REV3L: variants seen among roughly 807,000 people sequenced by gnomAD.
The protein encoded by REV3L is REV3 like, DNA directed polymerase zeta catalytic subunit, also known as DNA polymerase zeta catalytic subunit.
A neutral mutation model predicts 299.4 loss-of-function variants in REV3L; 69 were observed. The ratio of observed to expected loss-of-function variants is 0.23; its 90% CI spans 0.19 to 0.28. REV3L has a LOEUF of 0.28. REV3L is among the 10% of genes least tolerant of loss of function. The pLI is 1.00. For synonymous variants in REV3L, 1,238 were observed against 1,271.4 expected (o/e 0.97, Z 0.56); for missense variants, 3,128 against 3,693.8 (o/e 0.85, Z 3.97).
intron 26 of REV3L, among the ~76,000 whole-genome samples, chr6:111,319,905 C>A (rs1043471748): frequency 6.6e-6 from 1 of 151,760 alleles, no homozygotes; most frequent in South Asian, 2.1e-4. Context: ...TTTTGGCTCA[C>A]TGCAACCTCC....
chr6:111,415,383 T>C (rs750162317), intron 2 of REV3L, among the ~76,000 whole-genome samples: 6 of 152,180 alleles, frequency 3.9e-5, no homozygotes, highest in Non-Finnish European at 5.9e-5. Flanking sequence ...ATCTTTGCCA[T>C]GCTCAGTCAT....
At chr6:111,427,562 G>C (rs1219841283) in intron 1 of REV3L, among the ~76,000 whole-genome samples, 1 of 152,130 alleles carries the variant, frequency 6.6e-6, no homozygotes, top group African/African-American at 2.4e-5. Flanking sequence ...AGGCCACAAA[G>C]AAGTGAAAAA....
At chr6:111,413,735 T>TA (rs765151110) in intron 2 of REV3L, among the ~76,000 whole-genome samples, 51 of 151,982 alleles carry the variant, frequency 3.4e-4, no homozygotes, top group Non-Finnish European at 5.6e-4. Context: ...AATGAAAAAT[T>TA]AGAGTGAGCA....
intron 24 of REV3L, chr6:111,330,213 T>C (rs1423207677): frequency 4.6e-6 from 2 of 434,618 alleles, no homozygotes; most frequent in African/African-American, 2.0e-5. Flanking sequence ...CTGGGTTGAC[T>C]CTGCTGACAT....
chr6:111,322,949 A>G (rs576751625), intron 25 of REV3L, among the ~76,000 whole-genome samples: 24 of 152,256 alleles, frequency 1.6e-4, no homozygotes, highest in Non-Finnish European at 2.9e-4. Context: ...CAAGGTACTC[A>G]GCTACGTTGG....
Position 111,299,884 on chromosome 6 carries a change from G to T in REV3L, c.*132C>A. The T allele has an allele frequency of 4.9e-6, 4 of 820,520 alleles. No individual in the cohort carries two copies. The highest frequency in any genetic ancestry group is 3.5e-5 in the African/African-American group (2 of 57,170). 50.8% of individuals were successfully genotyped at this position (820,520 alleles called of 1,614,324 possible). On this transcript the variant is annotated 3_prime_UTR_variant, in exon 32 of 32. Coordinates refer to ENST00000368802, the MANE Select transcript of REV3L (RefSeq NM_001372078.1). ...AGTACATTTTAATTCGGTTAGCATA[G>T]AAGTCTTCATAGTCTTCAGATAACA...
At chr6:111,473,455 C>G (rs17510381) in intron 1 of REV3L, among the ~76,000 whole-genome samples, 16,358 of 151,970 alleles carry the variant, frequency 0.11, 1,166 homozygotes, top group Middle Eastern at 0.21. Flanking sequence ...ATTCCCTCCT[C>G]CCTTTTTTGG....
Position 111,335,452 on chromosome 6 carries a change from G to C in REV3L, c.7680+17C>G. The C allele has an allele frequency of 6.2e-7, 1 of 1,603,742 alleles. No individual in the cohort carries two copies. Among genetic ancestry groups the C allele is most frequent in the Non-Finnish European group, 8.5e-7 (1 of 1,176,012 alleles). On this transcript the variant is annotated intron_variant, in intron 22 of 31. Coordinates refer to ENST00000368802, the MANE Select transcript of REV3L (RefSeq NM_001372078.1). ...TCATACAGAACTTTCAAGTCTGCAA[G>C]AAAACTGATTTCCCACCTGTGAACC...
At chr6:111,302,560 C>T (rs1255201838) in intron 31 of REV3L, among the ~76,000 whole-genome samples, 1 of 152,166 alleles carries the variant, frequency 6.6e-6, no homozygotes, top group Non-Finnish European at 1.5e-5. Flanking sequence ...TAAAAAATAT[C>T]TGCTTTAATC....
At chr6:111,446,485 C>T (rs1354549280) in intron 1 of REV3L, among the ~76,000 whole-genome samples, 1 of 152,094 alleles carries the variant, frequency 6.6e-6, no homozygotes, top group Non-Finnish European at 1.5e-5. Context: ...GGGTGGATCA[C>T]CTGAGGTCAG....
intron 1 of REV3L, among the ~76,000 whole-genome samples, chr6:111,469,810 A>C (rs1034324077): frequency 1.3e-5 from 2 of 152,178 alleles, no homozygotes; most frequent in African/African-American, 4.8e-5. Context: ...CTGCAGCAGA[A>C]TTGCTTAATT....
chr6:111,483,646 C>T, upstream of REV3L: 1 of 430,482 alleles, frequency 2.3e-6, no homozygotes, highest in Non-Finnish European at 4.6e-6. Context: ...GGGGCAGCCG[C>T]TGAGACGGTT....
chr6:111,302,900 CAAAA>C (rs1467763415), intron 31 of REV3L, among the ~76,000 whole-genome samples: 1 of 151,930 alleles, frequency 6.6e-6, no homozygotes, highest in Admixed American at 6.6e-5. Context: ...GACTCCGTCT[CAAAA>C]AAAATTTTTC....
intron 1 of REV3L, among the ~76,000 whole-genome samples, chr6:111,420,134 C>A (rs1420047197): frequency 6.6e-6 from 1 of 152,160 alleles, no homozygotes; most frequent in Non-Finnish European, 1.5e-5. Context: ...CGTGAGCCAC[C>A]GCGCCCGGCC....
intron 21 of REV3L, among the ~76,000 whole-genome samples, chr6:111,342,064 A>T (rs1481112800): frequency 6.6e-6 from 1 of 152,228 alleles, no homozygotes; most frequent in South Asian, 2.1e-4. Context: ...TGTACAGACG[A>T]CAGAGTTTGG....
intron 31 of REV3L, among the ~76,000 whole-genome samples, chr6:111,306,359 G>T (rs1772295064): frequency 6.6e-6 from 1 of 152,114 alleles, no homozygotes; most frequent in South Asian, 2.1e-4. Flanking sequence ...ATATGGTATG[G>T]GTCGAGGTAG....
At chr6:111,335,687 A>G (rs1775827593) in intron 21 of REV3L, 77 bp from the exon 22 acceptor site, 1 of 1,412,848 alleles carries the variant, frequency 7.1e-7, no homozygotes, top group Admixed American at 2.2e-5. Context: ...TTTCCTGCCA[A>G]AAATCTACAT....
chr6:111,481,540 T>C (rs534767731), intron 1 of REV3L, among the ~76,000 whole-genome samples: 1 of 152,344 alleles, frequency 6.6e-6, no homozygotes, highest in South Asian at 2.1e-4. Context: ...ATAACTGCTT[T>C]AAAATGAGTG....
chr6:111,333,037 G>C, intron 23 of REV3L, 86 bp downstream of exon 23: 1 of 1,503,508 alleles, frequency 6.7e-7, no homozygotes. Flanking sequence ...AAGGTGTCCA[G>C]AGCAAAGAGA....
Sources: gnomAD v4.1 joint callset for allele counts (sites outside exome capture counted in the v4.1 genomes callset) on GRCh38, gnomAD v4.1.1 for gene constraint, MANE v1.5 for transcripts, NCBI Gene and HGNC (gene_info 2026-07-23, HGNC 2026-07-21) for gene names.